The following TGIF1 variants were observed in gnomAD, a reference collection of about 807,000 sequenced individuals.
The protein encoded by TGIF1 is homeobox protein TGIF1.
Under a neutral mutation model 19.3 loss-of-function variants are expected in TGIF1, and 4 were observed. The observed-to-expected ratio is 0.21, with a 90% CI of 0.10 to 0.47. The LOEUF (loss-of-function observed/expected upper bound fraction) is 0.47, where lower values mean the gene tolerates loss of function less well. TGIF1 is among the 20% of genes least tolerant of loss of function. TGIF1 has a pLI of 0.98. For missense variants in TGIF1, 275 were observed against 341.4 expected (o/e 0.81, Z 1.53); for synonymous variants, 122 against 129.3 (o/e 0.94, Z 0.38).
At chr18:3,443,831 C>A (rs1297438378) in intron 2 of TGIF1, among the ~76,000 whole-genome samples, 1 of 150,538 alleles carries the variant, frequency 6.6e-6, no homozygotes, top group Non-Finnish European at 1.5e-5. Flanking sequence ...CTGTACCTGG[C>A]CATGAGTACT....
At chr18:3,416,253 C>T (rs1394491173) in intron 1 of TGIF1, among the ~76,000 whole-genome samples, 1 of 152,226 alleles carries the variant, frequency 6.6e-6, no homozygotes, top group Non-Finnish European at 1.5e-5. Context: ...GGCACAGTGG[C>T]TCATGCCTGT....
intron 2 of TGIF1, among the ~76,000 whole-genome samples, chr18:3,421,692 G>A (rs1398533012): frequency 6.6e-6 from 1 of 151,998 alleles, no homozygotes; most frequent in South Asian, 2.1e-4. Flanking sequence ...GATTACAGGC[G>A]TGAGCCACCG....
chr18:3,459,523 T>C lies in TGIF1; in HGVS notation c.*1583T>C, dbSNP rs2049459003. 6.6e-6 allele frequency: 1 copy of C among 152,086 alleles called. No homozygotes were observed. The highest frequency in any genetic ancestry group is 6.6e-5 in the Admixed American group (1 of 15,258). 9.4% of individuals were successfully genotyped at this position (152,086 alleles called of 1,614,324 possible). On this transcript the variant is annotated 3_prime_UTR_variant, in exon 3 of 3. Coordinates refer to ENST00000343820, the MANE Select transcript of TGIF1 (RefSeq NM_003244.4). ...TAGACAAAAACCCAAAAAGTACTAG[T>C]AAAGTAAATACAAGGAACAAAATAA...
chr18:3,447,270 A>G (rs767003177), upstream of TGIF1, among the ~76,000 whole-genome samples: 1 of 151,878 alleles, frequency 6.6e-6, no homozygotes, highest in Admixed American at 6.6e-5. Flanking sequence ...TACTCAAGCA[A>G]TTTCCCAATT....
In TGIF1 at chr18:3,457,023, T is replaced by G; in HGVS notation, c.244-342T>G. On this transcript the variant is annotated intron_variant, in intron 2 of 2. Coordinates refer to ENST00000343820, the MANE Select transcript of TGIF1 (RefSeq NM_003244.4). This position sits in a 1 kb window ranked among gnomAD's most constrained non-coding sequence, Gnocchi z 4.9. ...TTGATTAACTTAAATGTTGGGGCAG[T>G]AGGTGATAGGTTAAAATGGGGAGAG... 1.8e-6 allele frequency: 1 copy of G among 553,626 alleles called. No individual in the cohort carries two copies. The highest frequency in any genetic ancestry group is 2.2e-5 in the South Asian group (1 of 44,762). 34.3% of individuals were successfully genotyped at this position (553,626 alleles called of 1,614,324 possible). A position where few individuals can be genotyped will look rare whatever the true frequency, so the allele number is the denominator to read the frequency against.
At chr18:3,427,292 CT>C (rs111682284) in intron 2 of TGIF1, among the ~76,000 whole-genome samples, 17,860 of 144,778 alleles carry the variant, frequency 0.12, 1,220 homozygotes, top group African/African-American at 0.22. Flanking sequence ...TACATTCTCC[CT>C]TTTTTTTTTT....
At chr18:3,443,437 C>T (rs1452089898) in intron 2 of TGIF1, among the ~76,000 whole-genome samples, 9 of 150,704 alleles carry the variant, frequency 6.0e-5, no homozygotes, top group Non-Finnish European at 1.0e-4. Flanking sequence ...GATAGGGTTT[C>T]GCTCTTGTCT....
rs180969271 is a variant in TGIF1, at chr18:3,456,626, A to G, written c.243+46A>G. On this transcript the variant is annotated intron_variant, in intron 2 of 2. Transcript: ENST00000343820. This position sits in a 1 kb window ranked among gnomAD's most constrained non-coding sequence, Gnocchi z 4.2. ...GTTTATGGATGCATTTTTAGTTTCA[A>G]AGTCATTTTATGGCATTCCTGTGTG... 6.6e-5 allele frequency: 103 copies of G among 1,565,162 alleles called. No homozygotes were observed. The East Asian group carries it at 1.5e-3, about 22-fold the overall frequency.
rs1264083498 is a variant in TGIF1, at chr18:3,458,982, G to A, written c.*1042G>A. On this transcript the variant is annotated 3_prime_UTR_variant, in exon 3 of 3. Transcript: ENST00000343820. ...TGGTGGGATTGTCAGTTTATTAGGT[G>A]AGTATTTTCCAAGGTCTCAGTTTGT... is the stretch of plus-strand genomic sequence containing the variant. 1 of 152,310 alleles carries A rather than the reference G, an allele frequency of 6.6e-6. No homozygotes were observed. The highest frequency in any genetic ancestry group is 1.9e-4 in the East Asian group (1 of 5,188). 9.4% of individuals were successfully genotyped at this position (152,310 alleles called of 1,614,324 possible).
chr18:3,456,205 C>G lies in TGIF1; in HGVS notation c.17-149C>G. Reference sequence around the variant, plus strand: ...CTAGTCAAACTACTTTTACTTGGACCCTGAATTCAGGACAGAAAACACTGC... The same window carrying G: ...CTAGTCAAACTACTTTTACTTGGACGCTGAATTCAGGACAGAAAACACTGC... On this transcript the variant is annotated intron_variant, in intron 1 of 2. Transcript: ENST00000343820. The surrounding 1 kb of genome is among the most constrained non-coding windows in gnomAD (Gnocchi z 4.2). 2 of 837,150 alleles carry G rather than the reference C, an allele frequency of 2.4e-6. No homozygotes were observed. Among genetic ancestry groups the G allele is most frequent in the Middle Eastern group, 6.8e-4 (2 of 2,938 alleles). The allele number at this position is 837,150 out of a possible 1,614,324, so 51.9% of individuals were successfully genotyped here.
At chr18:3,430,961 CAT>C (rs1431809916) in intron 2 of TGIF1, among the ~76,000 whole-genome samples, 2 of 152,074 alleles carry the variant, frequency 1.3e-5, no homozygotes, top group East Asian at 1.9e-4. Context: ...CAAATATACA[CAT>C]GTCTGTATGA....
At chr18:3,439,075 T>C (rs145850918) in intron 2 of TGIF1, among the ~76,000 whole-genome samples, 2 of 152,258 alleles carry the variant, frequency 1.3e-5, no homozygotes, top group African/African-American at 4.8e-5. Flanking sequence ...TCATTCACTA[T>C]GAGAGCTTAT....
At chr18:3,440,717 C>T (rs1011004392) in intron 2 of TGIF1, among the ~76,000 whole-genome samples, 1 of 152,080 alleles carries the variant, frequency 6.6e-6, no homozygotes, top group Admixed American at 6.5e-5. Flanking sequence ...CGTAAATGTC[C>T]GATAATTGGG....
Position 3,456,252 on chromosome 18 carries a change from G to A in TGIF1, c.17-102G>A, listed in dbSNP as rs2049349849. 1 of 1,135,014 alleles carries A rather than the reference G, an allele frequency of 8.8e-7. No individual in the cohort carries two copies. The highest frequency in any genetic ancestry group is 1.3e-6 in the Non-Finnish European group (1 of 746,634). The allele number at this position is 1,135,014 out of a possible 1,614,324, so 70.3% of individuals were successfully genotyped here. A position where few individuals can be genotyped will look rare whatever the true frequency, so the allele number is the denominator to read the frequency against. On this transcript the variant is annotated intron_variant, in intron 1 of 2. Transcript: ENST00000343820. This position sits in a 1 kb window ranked among gnomAD's most constrained non-coding sequence, Gnocchi z 4.2. ...CTGCTCCTTCTCCTCGCTCTCAGTTGTTGGGAAAGCATGGTTACATTGAAT... is the reference window on the plus strand; with the variant it reads ...CTGCTCCTTCTCCTCGCTCTCAGTTATTGGGAAAGCATGGTTACATTGAAT...
At chr18:3,435,353 C>T (rs1382788476) in intron 2 of TGIF1, among the ~76,000 whole-genome samples, 5 of 152,038 alleles carry the variant, frequency 3.3e-5, no homozygotes, top group Admixed American at 1.3e-4. Context: ...CATGCTGCCA[C>T]GTCCGGCTAA....
chr18:3,419,725 G>A (rs374947675), intron 2 of TGIF1, among the ~76,000 whole-genome samples: 1 of 152,228 alleles, frequency 6.6e-6, no homozygotes, highest in African/African-American at 2.4e-5. Context: ...AAAAAAGCAG[G>A]CTGGGCACGG....
intron 1 of TGIF1, chr18:3,455,607 A>G (rs2083141980): frequency 6.5e-6 from 1 of 152,708 alleles, no homozygotes; most frequent in African/African-American, 2.4e-5. Context: ...TTACTAAAGT[A>G]CCAGTAGTAG....
upstream of TGIF1, chr18:3,448,434 T>G (rs1341613523): frequency 5.0e-6 from 5 of 994,238 alleles, no homozygotes; most frequent in Non-Finnish European, 6.0e-6. Context: ...AGCAGCTGAT[T>G]CATCTGCAGC....
upstream of TGIF1, among the ~76,000 whole-genome samples, chr18:3,445,765 C>CAAAAAAAAAAAAAAAAA (rs755240649): frequency 2.8e-5 from 1 of 35,848 alleles, no homozygotes; most frequent in Non-Finnish European, 4.4e-5. Context: ...AGAAGAAAAG[C>CAAAAAAAAAAAAAAAAA]AAAAAAAAAA....
Sources: allele counts gnomAD v4.1 joint callset (sites outside exome capture counted in the v4.1 genomes callset), GRCh38; gene constraint gnomAD v4.1.1; non-coding constraint Gnocchi (gnomAD v3.1); transcripts MANE v1.5; gene names NCBI Gene and HGNC (gene_info 2026-07-23, HGNC 2026-07-21).